The following FLT4 variants were observed in gnomAD, a reference collection of about 807,000 sequenced individuals.
FLT4 encodes vascular endothelial growth factor receptor 3.
Under a neutral mutation model 163.2 loss-of-function variants are expected in FLT4, and 30 were observed. The observed-to-expected ratio is 0.18, with a 90% CI of 0.14 to 0.25. FLT4 has a LOEUF of 0.25. FLT4 is among the 10% of genes least tolerant of loss of function. The pLI, the probability that FLT4 is intolerant of heterozygous loss-of-function variation, is 1.00. For synonymous variants in FLT4, 884 were observed against 789.5 expected (o/e 1.12, Z -2.01); for missense variants, 1,510 against 1,863.8 (o/e 0.81, Z 3.50).
At chr5:180,624,154 A>C in intron 10 of FLT4, 93 bp from the exon 11 acceptor site, 3 of 1,461,532 alleles carry the variant, frequency 2.1e-6, no homozygotes, top group South Asian at 1.1e-5. Flanking sequence ...ATATCCAGTC[A>C]CCTTCTCATA....
Position 180,621,157 on chromosome 5 carries a change from C to G in FLT4, c.2116G>C (p.Ala706Pro). The G allele has an allele frequency of 6.2e-7, 1 of 1,612,834 alleles. No homozygotes were observed. The highest frequency in any genetic ancestry group is 8.5e-7 in the Non-Finnish European group (1 of 1,179,990). ...TCTTTGTACCACACGATGCTGGGCG[C>G]GTGCGCTCCGGCCACCAAGCACTGC... ...EMQCLVAGAH[A>P]PSIVWYKDER... Residue 706 changes from alanine to proline, a missense_variant, in exon 14 of 30, where the codon GCG becomes CCG. This residue lies in a region of FLT4 where 878 missense variants were observed against 1,016.7 expected (regional missense o/e 0.86). Coordinates refer to ENST00000261937, the MANE Select transcript of FLT4 (RefSeq NM_182925.5).
intron 26 of FLT4, 77 bp downstream of exon 26, chr5:180,612,429 T>C: frequency 9.3e-7 from 1 of 1,074,350 alleles, no homozygotes; most frequent in South Asian, 1.2e-5. Context: ...CTAGATGGGC[T>C]TGGAGGGGCA....
At position 180,623,720 on chromosome 5, in the gene FLT4, G is replaced by A. The variant is rs1353177647; in HGVS notation, c.1548+215C>T. Among the ~76,000 whole-genome samples, 2 of 152,172 alleles carry A rather than the reference G, an allele frequency of 1.3e-5. No individual in the cohort carries two copies. The highest frequency in any genetic ancestry group is 2.9e-5 in the Non-Finnish European group (2 of 68,014). ...TGTCAGCTTCCTTGTCTGGGAAGCC[G>A]CCAGAGGTCCGCCCTCCATCACAAA... On this transcript the variant is annotated intron_variant, in intron 11 of 29. Coordinates refer to ENST00000261937, the MANE Select transcript of FLT4 (RefSeq NM_182925.5). The surrounding 1 kb of genome is among the most constrained non-coding windows in gnomAD (Gnocchi z 5.8).
rs760012718 is a variant in FLT4, at chr5:180,621,110, C to T, written c.2163G>A (p.Lys721=). ...CGCCAGGGCCACCCTCCCTACCAGA[C>T]TTTTCCTCCAGCAGCCTCTCGTCTT... The part of the protein sequence containing the change: ...WYKDERLLEE[K]SGVDLADSNQ... Residue 721 remains lysine (K), a synonymous_variant, in exon 14 of 30, where the codon AAG becomes AAA. Transcript: ENST00000261937. 6.2e-7 allele frequency: 1 copy of T among 1,612,828 alleles called. No individual in the cohort carries two copies. The highest frequency in any genetic ancestry group is 8.5e-7 in the Non-Finnish European group (1 of 1,179,994).
intron 2 of FLT4, 63 bp downstream of exon 2, chr5:180,631,619 A>G: frequency 7.4e-7 from 1 of 1,352,356 alleles, no homozygotes. Context: ...GCCCACAGCC[A>G]CCACCTCCTG....
chr5:180,646,431 G>A (rs1021816509), intron 1 of FLT4, among the ~76,000 whole-genome samples: 29 of 152,022 alleles, frequency 1.9e-4, no homozygotes, highest in African/African-American at 7.0e-4. Flanking sequence ...AGCCTCACCG[G>A]ACCACCCACT....
chr5:180,631,616 G>T, intron 2 of FLT4, 66 bp downstream of exon 2: 1 of 1,330,828 alleles, frequency 7.5e-7, no homozygotes, highest in Non-Finnish European at 1.1e-6. Flanking sequence ...TGGGCCCACA[G>T]CCACCACCTC....
Position 180,603,312 on chromosome 5 carries a change from C to A in FLT4, c.3972G>T (p.Arg1324=), listed in dbSNP as rs755210727. 2 of 1,613,980 alleles carry A rather than the reference C, an allele frequency of 1.2e-6. No individual in the cohort carries two copies. Among genetic ancestry groups the A allele is most frequent in the Admixed American group, 3.3e-5 (2 of 60,014 alleles). The change falls in exon 30 of 30, where the codon CGG becomes CGT. Residue 1324 remains arginine (R), a synonymous_variant. Coordinates refer to ENST00000261937, the MANE Select transcript of FLT4 (RefSeq NM_182925.5). The part of the protein sequence containing the change: ...DSQGRRRRPE[R]GARGGQVFYN... ...AAAACACCTGGCCTCCTCGGGCCCC[C>A]CGCTCAGGCCGCCGCCGCCTCCCTT... is the stretch of plus-strand genomic sequence containing the variant.
intron 24 of FLT4, 29 bp from the exon 25 acceptor site, chr5:180,613,139 G>A (rs779577175): frequency 5.2e-6 from 8 of 1,540,358 alleles, no homozygotes; most frequent in Middle Eastern, 1.7e-4. Context: ...GGTGGGTGGG[G>A]AGCAAGCCTC....
Position 180,619,763 on chromosome 5 carries a change from A to G in FLT4, c.2549T>C (p.Val850Ala). 3 of 1,611,556 alleles carry G rather than the reference A, an allele frequency of 1.9e-6. No individual in the cohort carries two copies. The highest frequency in any genetic ancestry group is 2.5e-6 in the Non-Finnish European group (3 of 1,179,476). ...CTTCCCGAAGGCGCCGTAGCCGAGC[A>G]CTCTCCCTGTCGGGGCAGGGGGCCA... is the stretch of plus-strand genomic sequence containing the variant. The part of the protein sequence containing the change: ...FPRERLHLGR[V>A]LGYGAFGKVV... The change falls in exon 18 of 30, where the codon GTG (valine) becomes GCG (alanine). Residue 850 changes from valine to alanine, a missense_variant. Transcript: ENST00000261937.
At chr5:180,613,211 G>T (rs533216517) in intron 24 of FLT4, 101 bp from the exon 25 acceptor site, 18 of 777,394 alleles carry the variant, frequency 2.3e-5, no homozygotes, top group Admixed American at 1.5e-4. Flanking sequence ...AAGTCACCCC[G>T]TCCTGTCCCT....
rs1399577122 is a variant in FLT4, at chr5:180,636,319, C to T, written c.59-4541G>A. Reference sequence around the variant, plus strand: ...ACCTCACTGTCCACTCCGAATGTCCCTTCCTGCCTTATGTGAAGCCTGGCT... The same window carrying T: ...ACCTCACTGTCCACTCCGAATGTCCTTTCCTGCCTTATGTGAAGCCTGGCT... On this transcript the variant is annotated intron_variant, in intron 1 of 29. Coordinates refer to ENST00000261937, the MANE Select transcript of FLT4 (RefSeq NM_182925.5). The surrounding 1 kb of genome is among the most constrained non-coding windows in gnomAD (Gnocchi z 4.3). 6.6e-6 allele frequency among the ~76,000 whole-genome samples: 1 copy of T among 152,132 alleles called. No homozygotes were observed. Among genetic ancestry groups the T allele is most frequent in the African/African-American group, 2.4e-5 (1 of 41,400 alleles).
Position 180,613,103 on chromosome 5 carries a change from G to C in FLT4, c.3339C>G (p.Ser1113=). The change falls in exon 25 of 30, where the codon TCC becomes TCG. Residue 1113 remains serine, a synonymous_variant. Coordinates refer to ENST00000261937, the MANE Select transcript of FLT4 (RefSeq NM_182925.5). Reference sequence around the variant, plus strand: ...CATTGATCTGCACCCCAGGGTACGGGGAGGCCCCTGACAACAGGAAGGGGA... The same window carrying C: ...CATTGATCTGCACCCCAGGGTACGGCGAGGCCCCTGACAACAGGAAGGGGA... The part of the protein sequence containing the change: ...LLWEIFSLGA[S]PYPGVQINEE... The C allele has an allele frequency of 2.5e-6, 4 of 1,612,930 alleles. No homozygotes were observed. Among genetic ancestry groups the C allele is most frequent in the Non-Finnish European group, 3.4e-6 (4 of 1,179,388 alleles).
At chr5:180,643,415 C>T (rs1020700989) in intron 1 of FLT4, among the ~76,000 whole-genome samples, 1 of 152,224 alleles carries the variant, frequency 6.6e-6, no homozygotes, top group Non-Finnish European at 1.5e-5. Flanking sequence ...CAGAACCCCT[C>T]CCGGGCATTG....
chr5:180,618,801 G>T lies in FLT4; in HGVS notation c.2970C>A (p.Gly990=). The change falls in exon 21 of 30, where the codon GGC becomes GGA. Residue 990 remains glycine, a synonymous_variant. Coordinates refer to ENST00000261937, the MANE Select transcript of FLT4 (RefSeq NM_182925.5). ...VLFARFSKTE[G]GARRASPDQE... ...GGTCTGGAGAAGCCCGCCTCGCTCC[G>T]CCCTCGGTCTTCGAGAACCGCGCGA... The T allele has an allele frequency of 6.3e-7, 1 of 1,587,830 alleles. No homozygotes were observed.
At chr5:180,629,553 T>C in intron 6 of FLT4, 126 bp from the exon 7 acceptor site, 1 of 1,468,286 alleles carries the variant, frequency 6.8e-7, no homozygotes, top group Non-Finnish European at 9.3e-7. Flanking sequence ...CTGAGTTTTC[T>C]TTGGGTGGAA....
intron 1 of FLT4, among the ~76,000 whole-genome samples, chr5:180,635,953 ATGGG>A (rs1764659174): frequency 1.1e-5 from 1 of 89,484 alleles, no homozygotes; most frequent in Non-Finnish European, 2.2e-5. Context: ...GTATGGGTGG[ATGGG>A]TGGGTGGGTG....
Position 180,603,087 on chromosome 5 carries a change from T to G in FLT4, c.*105A>C. On this transcript the variant is annotated 3_prime_UTR_variant, in exon 30 of 30. Coordinates refer to ENST00000261937, the MANE Select transcript of FLT4 (RefSeq NM_182925.5). ...GCAGAGAGGGAAGAGGACACTCCTG[T>G]GCCACCAGAGTTCAACCAGATGAGT... The G allele has an allele frequency of 9.1e-7, 1 of 1,100,592 alleles. No individual in the cohort carries two copies. Among genetic ancestry groups the G allele is most frequent in the African/African-American group, 1.5e-5 (1 of 65,260 alleles). The allele number at this position is 1,100,592 out of a possible 1,614,324, so 68.2% of individuals were successfully genotyped here. A position where few individuals can be genotyped will look rare whatever the true frequency, so the allele number is the denominator to read the frequency against.
Position 180,623,341 on chromosome 5 carries a change from T to C in FLT4, c.1549-502A>G, listed in dbSNP as rs1265871897. Among the ~76,000 whole-genome samples the C allele has an allele frequency of 2.0e-5, 3 of 152,044 alleles. No homozygotes were observed. The South Asian group carries it at 6.2e-4, about 32-fold the overall frequency. ...CCAGGGTTATTGAGAGGGGTGGGGA[T>C]GGCTCCCAGAAGGACTGAGGCCTCA... On this transcript the variant is annotated intron_variant, in intron 11 of 29. Transcript: ENST00000261937. The surrounding 1 kb of genome is among the most constrained non-coding windows in gnomAD (Gnocchi z 5.8).
Sources: allele counts gnomAD v4.1 joint callset (sites outside exome capture counted in the v4.1 genomes callset), GRCh38; gene constraint gnomAD v4.1.1; regional missense constraint gnomAD v4.1.1; non-coding constraint Gnocchi (gnomAD v3.1); transcripts MANE v1.5; gene names NCBI Gene and HGNC (gene_info 2026-07-23, HGNC 2026-07-21).